Variants in CGNL1 observed in about 807,000 individuals in gnomAD.
CGNL1 encodes cingulin-like protein 1.
A neutral mutation model predicts 141.2 loss-of-function variants in CGNL1; 132 were observed. That is an observed-to-expected ratio of 0.93 (90% CI 0.81 to 1.08). The LOEUF is 1.08. Among genes scored for constraint, CGNL1 ranks in the 50% least tolerant of loss-of-function variants. CGNL1 has a pLI of 0.00. For missense variants in CGNL1, 1,870 were observed against 1,588.6 expected, an observed-to-expected ratio of 1.18 and a Z score of -3.01; for synonymous variants, 690 against 622.1, an observed-to-expected ratio of 1.11 and a Z score of -1.63.
chr15:57,492,068 A>C lies in CGNL1; in HGVS notation c.2404-24712A>C, dbSNP rs79589544. On this transcript the variant is annotated intron_variant, in intron 8 of 18. Coordinates refer to ENST00000281282, the MANE Select transcript of CGNL1 (RefSeq NM_032866.5). ...AAAACTAAGGAAAGCTCACTTCCAG[A>C]TATTTCCAGTCAGAGACTTTATTAC... is the stretch of plus-strand genomic sequence containing the variant. Among the ~76,000 whole-genome samples, 1,149 of 152,328 alleles carry C rather than the reference A, an allele frequency of 7.5e-3. 9 individuals are homozygous for C. The highest frequency in any genetic ancestry group is 0.017 in the Middle Eastern group (5 of 294).
intron 15 of CGNL1, 101 bp from the exon 16 acceptor site, chr15:57,544,372 C>T (rs1335274200): frequency 1.3e-5 from 18 of 1,426,062 alleles, no homozygotes; most frequent in Non-Finnish European, 1.6e-5. Context: ...AGCCTCATCG[C>T]ATGCAGCGAC....
At chr15:57,430,114 T>C (rs2063027099) in intron 1 of CGNL1, among the ~76,000 whole-genome samples, 1 of 152,230 alleles carries the variant, frequency 6.6e-6, no homozygotes, top group South Asian at 2.1e-4. Context: ...CGGCTGATCT[T>C]CGTCATTTCA....
chr15:57,514,484 A>C, intron 8 of CGNL1, among the ~76,000 whole-genome samples: 1 of 152,154 alleles, frequency 6.6e-6, no homozygotes, highest in East Asian at 1.9e-4. Flanking sequence ...TGAGTTAAAG[A>C]ATCATTTATA....
Position 57,461,658 on chromosome 15 carries a change from C to T in CGNL1, c.2191-22C>T, listed in dbSNP as rs770456008. The T allele has an allele frequency of 7.5e-6, 12 of 1,603,570 alleles. No homozygotes were observed. The South Asian group carries it at 1.1e-4, about 15-fold the overall frequency. On this transcript the variant is annotated intron_variant, in intron 7 of 18. Transcript: ENST00000281282. ...CAAGATGTTTCATTGTCACCTTCTC[C>T]CTTCGTGTTTCCTCTCTCTAGGAGC...
intron 1 of CGNL1, among the ~76,000 whole-genome samples, chr15:57,402,459 A>C (rs1188563231): frequency 6.6e-6 from 1 of 152,222 alleles, no homozygotes; most frequent in East Asian, 1.9e-4. Flanking sequence ...ACCAATGCCA[A>C]ATGGACTAGC....
chr15:57,543,641 A>G (rs532084589), intron 14 of CGNL1, 55 bp from the exon 15 acceptor site: 763 of 1,493,688 alleles, frequency 5.1e-4, no homozygotes, highest in Non-Finnish European at 6.7e-4. Flanking sequence ...ATTTCAGTAC[A>G]AAAGATACAG....
intron 8 of CGNL1, among the ~76,000 whole-genome samples, chr15:57,488,710 G>A (rs1313556490): frequency 6.6e-6 from 1 of 152,220 alleles, no homozygotes; most frequent in Non-Finnish European, 1.5e-5. Flanking sequence ...TGCACAGCTT[G>A]TGCCAAGAGT....
intron 4 of CGNL1, among the ~76,000 whole-genome samples, chr15:57,444,405 G>A (rs188475533): frequency 3.4e-4 from 52 of 152,142 alleles, no homozygotes; most frequent in Admixed American, 3.3e-3. Context: ...TTTGGGGAGG[G>A]GAGTAAACAC....
intron 1 of CGNL1, chr15:57,397,034 G>T (rs1170041697): frequency 6.6e-6 from 1 of 152,182 alleles, no homozygotes; most frequent in Non-Finnish European, 1.5e-5. Flanking sequence ...ACTTCAATCT[G>T]TGGGTTCAGG....
In CGNL1 at chr15:57,439,017, G is replaced by C; in HGVS notation, c.1018G>C (p.Gly340Arg). 6.2e-7 allele frequency: 1 copy of C among 1,614,246 alleles called. No individual in the cohort carries two copies. The highest frequency in any genetic ancestry group is 1.1e-5 in the South Asian group (1 of 91,086). Residue 340 changes from glycine to arginine, a missense_variant, in exon 2 of 19, where the codon GGA becomes CGA. Gly to Arg is a moderately radical substitution (Grantham distance 125). Coordinates refer to ENST00000281282, the MANE Select transcript of CGNL1 (RefSeq NM_032866.5). ...CAGAAGGTATATTCCCTTCCTGCCA[G>C]GAACTGGACGGGATATTGATACAGG... is the stretch of plus-strand genomic sequence containing the variant. ...ENRRYIPFLPGTGRDIDTGSI... is the reference protein window; with the variant it reads ...ENRRYIPFLPRTGRDIDTGSI...
chr15:57,409,650 T>C (rs1216701230), intron 1 of CGNL1, among the ~76,000 whole-genome samples: 1 of 152,216 alleles, frequency 6.6e-6, no homozygotes, highest in East Asian at 1.9e-4. Flanking sequence ...GAAGGTAGGA[T>C]GCTTGCAGGT....
intron 14 of CGNL1, among the ~76,000 whole-genome samples, chr15:57,534,951 C>G (rs1240742610): frequency 6.6e-6 from 1 of 152,204 alleles, no homozygotes; most frequent in African/African-American, 2.4e-5. Context: ...TTCCCCCAAA[C>G]ATCTCCCACT....
chr15:57,491,612 G>A (rs1412882394), intron 8 of CGNL1, among the ~76,000 whole-genome samples: 1 of 152,186 alleles, frequency 6.6e-6, no homozygotes, highest in African/African-American at 2.4e-5. Context: ...TTGAGTCCCT[G>A]TACTCGAAGA....
chr15:57,531,004 A>G (rs1198900532), intron 13 of CGNL1, among the ~76,000 whole-genome samples: 41 of 152,186 alleles, frequency 2.7e-4, no homozygotes, highest in Admixed American at 2.7e-3. Context: ...GACAACCCCC[A>G]GTTGTAAGTG....
intron 8 of CGNL1, among the ~76,000 whole-genome samples, chr15:57,506,598 C>T (rs1301694975): frequency 6.6e-6 from 1 of 152,174 alleles, no homozygotes. Context: ...CCTCCTTTTC[C>T]CTTCCCTGGC....
At chr15:57,470,879 C>T (rs1453235534) in intron 8 of CGNL1, among the ~76,000 whole-genome samples, 3 of 152,178 alleles carry the variant, frequency 2.0e-5, no homozygotes, top group Non-Finnish European at 4.4e-5. Context: ...AATAGCATGT[C>T]AGTTCTGTGA....
intron 1 of CGNL1, among the ~76,000 whole-genome samples, chr15:57,377,334 T>C (rs1277080884): frequency 6.6e-6 from 1 of 152,218 alleles, no homozygotes; most frequent in Non-Finnish European, 1.5e-5. Context: ...GTTCTCAAAC[T>C]TGGCCCCACA....
intron 8 of CGNL1, among the ~76,000 whole-genome samples, chr15:57,500,261 T>C (rs1376277310): frequency 6.6e-6 from 1 of 152,174 alleles, no homozygotes; most frequent in East Asian, 1.9e-4. Context: ...AGGAGACCCT[T>C]GCGGCCCGTG....
At chr15:57,445,224 A>G (rs1418577516) in intron 4 of CGNL1, among the ~76,000 whole-genome samples, 2 of 152,196 alleles carry the variant, frequency 1.3e-5, no homozygotes, top group African/African-American at 4.8e-5. Context: ...GTGCCACTGT[A>G]CTCCAGCCTG....
Sources: allele counts gnomAD v4.1 joint callset (sites outside exome capture counted in the v4.1 genomes callset), GRCh38; gene constraint gnomAD v4.1.1; transcripts MANE v1.5; gene names NCBI Gene and HGNC (gene_info 2026-07-23, HGNC 2026-07-21).